Variants in CWC27 observed in about 807,000 individuals in gnomAD.
The protein encoded by CWC27 is spliceosome-associated protein CWC27 homolog.
Under a neutral mutation model 63.6 loss-of-function variants are expected in CWC27, and 47 were observed. The ratio of observed to expected loss-of-function variants is 0.74; its 90% CI spans 0.58 to 0.94. The LOEUF is 0.94. Among genes scored for constraint, CWC27 ranks in the 40% least tolerant of loss-of-function variants. The pLI is 0.00. For synonymous variants in CWC27, 175 were observed against 179.8 expected (o/e 0.97, Z 0.22); for missense variants, 495 against 554.3 (o/e 0.89, Z 1.07).
intron 10 of CWC27, among the ~76,000 whole-genome samples, chr5:64,834,965 GCA>G (rs1279352088): frequency 2.6e-5 from 4 of 151,768 alleles, no homozygotes; most frequent in African/African-American, 9.7e-5. Context: ...TCTGGAGATT[GCA>G]TAGTATAGAA....
chr5:64,809,351 A>G (rs1483001670), intron 10 of CWC27, among the ~76,000 whole-genome samples: 2 of 152,120 alleles, frequency 1.3e-5, no homozygotes, highest in African/African-American at 4.8e-5. Flanking sequence ...TGTGGTAAGC[A>G]TGCATTACAA....
chr5:64,856,988 A>G (rs1746273181), intron 10 of CWC27, among the ~76,000 whole-genome samples: 1 of 152,186 alleles, frequency 6.6e-6, no homozygotes, highest in Non-Finnish European at 1.5e-5. Context: ...AATAAAGAAT[A>G]GTAGTATTTT....
At chr5:64,877,330 T>C (rs1281324946) in intron 10 of CWC27, among the ~76,000 whole-genome samples, 1 of 152,016 alleles carries the variant, frequency 6.6e-6, no homozygotes, top group Non-Finnish European at 1.5e-5. Flanking sequence ...AAATATCGTA[T>C]ATTCTCAGTC....
intron 13 of CWC27, among the ~76,000 whole-genome samples, chr5:65,006,566 T>C (rs557708539): frequency 1.3e-5 from 2 of 152,166 alleles, no homozygotes; most frequent in Non-Finnish European, 2.9e-5. Context: ...TACATTGATA[T>C]ACTATGTTTC....
intron 11 of CWC27, among the ~76,000 whole-genome samples, chr5:64,937,510 C>CTAT (rs1278276293): frequency 6.6e-6 from 1 of 152,004 alleles, no homozygotes; most frequent in African/African-American, 2.4e-5. Context: ...ATTTTAGTTC[C>CTAT]AGTTATATGG....
At chr5:64,903,126 A>G (rs1311905265) in intron 11 of CWC27, among the ~76,000 whole-genome samples, 4 of 152,176 alleles carry the variant, frequency 2.6e-5, no homozygotes, top group Non-Finnish European at 4.4e-5. Context: ...GCAATTCCTC[A>G]AGGATCTAGA....
intron 10 of CWC27, among the ~76,000 whole-genome samples, chr5:64,862,680 G>A (rs1746439196): frequency 6.6e-6 from 1 of 152,086 alleles, no homozygotes. Flanking sequence ...ATCCAGTCAA[G>A]GTTTACATGT....
chr5:64,899,353 T>A (rs1192464173), intron 11 of CWC27, among the ~76,000 whole-genome samples: 1 of 152,194 alleles, frequency 6.6e-6, no homozygotes, highest in Non-Finnish European at 1.5e-5. Flanking sequence ...TCTATATGCC[T>A]AATACTTTGC....
At chr5:64,796,039 GTGTA>G in intron 7 of CWC27, among the ~76,000 whole-genome samples, 1 of 149,924 alleles carries the variant, frequency 6.7e-6, no homozygotes, top group East Asian at 1.9e-4. Flanking sequence ...GTGTGTGTGT[GTGTA>G]TTAATAAGCT....
At chr5:64,883,982 G>A (rs1256184890) in intron 10 of CWC27, among the ~76,000 whole-genome samples, 2 of 152,080 alleles carry the variant, frequency 1.3e-5, no homozygotes, top group African/African-American at 4.8e-5. Flanking sequence ...CGTTACAAGG[G>A]CAAATTTCCA....
At chr5:64,847,562 T>TCCGTATG (rs1479868305) in intron 10 of CWC27, among the ~76,000 whole-genome samples, 1 of 152,062 alleles carries the variant, frequency 6.6e-6, no homozygotes, top group Non-Finnish European at 1.5e-5. Context: ...ATTAAAACAT[T>TCCGTATG]CCGTTCAACA....
chr5:64,870,132 T>C (rs921001468), intron 10 of CWC27, among the ~76,000 whole-genome samples: 1 of 152,070 alleles, frequency 6.6e-6, no homozygotes, highest in Non-Finnish European at 1.5e-5. Flanking sequence ...GGAGGTGATA[T>C]CAAATTTGAG....
At chr5:64,774,457 T>C (rs1245074073) in intron 1 of CWC27, among the ~76,000 whole-genome samples, 1 of 152,246 alleles carries the variant, frequency 6.6e-6, no homozygotes, top group African/African-American at 2.4e-5. Context: ...ATATATGCTA[T>C]TGTTTTCTTA....
chr5:65,007,714 G>A (rs781710479), intron 13 of CWC27, among the ~76,000 whole-genome samples: 9 of 146,914 alleles, frequency 6.1e-5, no homozygotes, highest in African/African-American at 1.8e-4. Flanking sequence ...TGCAAGCTTC[G>A]CCTCCCGGAT....
intron 13 of CWC27, among the ~76,000 whole-genome samples, chr5:64,984,591 G>A (rs1749389017): frequency 6.6e-6 from 1 of 152,124 alleles, no homozygotes; most frequent in South Asian, 2.1e-4. Flanking sequence ...CTTGCCTTCT[G>A]TATTTTCTTT....
intron 10 of CWC27, among the ~76,000 whole-genome samples, chr5:64,816,245 TTA>T: frequency 6.6e-6 from 1 of 152,108 alleles, no homozygotes; most frequent in East Asian, 1.9e-4. Context: ...GTCCACTCAA[TTA>T]TGCCATTGAT....
intron 11 of CWC27, among the ~76,000 whole-genome samples, chr5:64,917,921 T>G (rs186462996): frequency 0.012 from 1,814 of 151,828 alleles, 25 homozygotes; most frequent in Middle Eastern, 0.031. Flanking sequence ...CTTTTATATA[T>G]AGAGAGAGAT....
At chr5:64,935,212 T>A (rs1748321457) in intron 11 of CWC27, among the ~76,000 whole-genome samples, 1 of 152,242 alleles carries the variant, frequency 6.6e-6, no homozygotes. Context: ...GCCTAGGTTT[T>A]CTTCTAGGGT....
At chr5:64,829,971 A>G (rs2112261813) in intron 10 of CWC27, among the ~76,000 whole-genome samples, 1 of 122,780 alleles carries the variant, frequency 8.1e-6, no homozygotes. Flanking sequence ...AAGAACATGA[A>G]CTCATCTTTT....
Sources: allele counts gnomAD v4.1 joint callset (sites outside exome capture counted in the v4.1 genomes callset), GRCh38; gene constraint gnomAD v4.1.1; transcripts MANE v1.5; gene names NCBI Gene and HGNC (gene_info 2026-07-23, HGNC 2026-07-21).